Variants in PCGF5 observed in about 807,000 individuals in gnomAD.
The protein encoded by PCGF5 is polycomb group ring finger 5.
A neutral mutation model predicts 44.3 loss-of-function variants in PCGF5; 9 were observed. The ratio of observed to expected loss-of-function variants is 0.20; its 90% CI spans 0.12 to 0.35. The LOEUF is 0.35. PCGF5 is among the 10% of genes least tolerant of loss of function. The pLI, the probability that PCGF5 is intolerant of heterozygous loss-of-function variation, is 1.00. For missense variants in PCGF5, 146 were observed against 305.3 expected (o/e 0.48, Z 3.89); for synonymous variants, 95 against 102.5 (o/e 0.93, Z 0.44).
chr10:91,271,241 G>GTAT, intron 8 of PCGF5, among the ~76,000 whole-genome samples: 1 of 152,136 alleles, frequency 6.6e-6, no homozygotes, highest in Middle Eastern at 3.4e-3. Flanking sequence ...TCCTTGAACA[G>GTAT]TATTACTTTC....
At chr10:91,245,860 G>A (rs1845447844) in intron 3 of PCGF5, among the ~76,000 whole-genome samples, 1 of 152,146 alleles carries the variant, frequency 6.6e-6, no homozygotes, top group African/African-American at 2.4e-5. Context: ...AAAAAAGCGT[G>A]TTGTCCAGGG....
chr10:91,274,075 CT>C (rs1168861372), intron 9 of PCGF5, among the ~76,000 whole-genome samples: 3 of 151,866 alleles, frequency 2.0e-5, no homozygotes, highest in Non-Finnish European at 4.4e-5. Flanking sequence ...TCCTCTTCCC[CT>C]CTCTTTCTCT....
chr10:91,162,654 C>G (rs2133147487), upstream of PCGF5, among the ~76,000 whole-genome samples: 1 of 151,696 alleles, frequency 6.6e-6, no homozygotes, highest in East Asian at 2.0e-4. Flanking sequence ...GCGGCTCGTC[C>G]CCTCCAGGCC....
intron 1 of PCGF5, among the ~76,000 whole-genome samples, chr10:91,165,559 G>A (rs947964727): frequency 5.3e-5 from 8 of 152,144 alleles, no homozygotes; most frequent in African/African-American, 1.2e-4. Context: ...GTGCAGTGGC[G>A]CAATCATAGC....
chr10:91,201,518 T>C (rs1448442097), intron 1 of PCGF5, among the ~76,000 whole-genome samples: 1 of 152,072 alleles, frequency 6.6e-6, no homozygotes, highest in Non-Finnish European at 1.5e-5. Flanking sequence ...GGAAGCCCAA[T>C]GTGTAAAAAA....
At chr10:91,271,081 G>A (rs1846169390) in intron 8 of PCGF5, among the ~76,000 whole-genome samples, 6 of 141,970 alleles carry the variant, frequency 4.2e-5, no homozygotes, top group Admixed American at 4.1e-4. Context: ...CCACAAATGT[G>A]ACTAAAATAT....
At chr10:91,189,229 C>G (rs139879231) in intron 1 of PCGF5, among the ~76,000 whole-genome samples, 1 of 152,272 alleles carries the variant, frequency 6.6e-6, no homozygotes, top group East Asian at 1.9e-4. Context: ...TAATTTTCTC[C>G]TTTTTCCAGA....
At chr10:91,193,236 G>C (rs1182302032) in intron 1 of PCGF5, among the ~76,000 whole-genome samples, 1 of 152,196 alleles carries the variant, frequency 6.6e-6, no homozygotes, top group Non-Finnish European at 1.5e-5. Context: ...CTTGGAAGGA[G>C]ATCCATCCCT....
At chr10:91,248,059 T>C (rs1845514199) in intron 3 of PCGF5, among the ~76,000 whole-genome samples, 1 of 152,116 alleles carries the variant, frequency 6.6e-6, no homozygotes, top group African/African-American at 2.4e-5. Flanking sequence ...CTACGTGGTC[T>C]CTCATCCTCC....
chr10:91,235,682 G>A (rs749697416), intron 2 of PCGF5, among the ~76,000 whole-genome samples: 7 of 152,060 alleles, frequency 4.6e-5, no homozygotes, highest in South Asian at 2.1e-4. Context: ...TCATGGGGGC[G>A]GGTCTTTCTC....
At chr10:91,235,692 C>T (rs1845141577) in intron 2 of PCGF5, among the ~76,000 whole-genome samples, 1 of 152,162 alleles carries the variant, frequency 6.6e-6, no homozygotes, top group Admixed American at 6.5e-5. Context: ...GGGTCTTTCT[C>T]ACGCTGTTTT....
At chr10:91,189,255 C>T (rs1843986411) in intron 1 of PCGF5, among the ~76,000 whole-genome samples, 1 of 152,198 alleles carries the variant, frequency 6.6e-6, no homozygotes, top group South Asian at 2.1e-4. Flanking sequence ...TCTCTTGACC[C>T]TCATGATTCT....
intron 1 of PCGF5, among the ~76,000 whole-genome samples, chr10:91,181,406 G>A (rs1843816986): frequency 6.6e-6 from 1 of 151,866 alleles, no homozygotes; most frequent in African/African-American, 2.4e-5. Flanking sequence ...AATAGGAGTA[G>A]CCAGACAGGG....
At chr10:91,275,451 T>A (rs71485920) in intron 9 of PCGF5, among the ~76,000 whole-genome samples, 19,765 of 151,436 alleles carry the variant, frequency 0.13, 2,422 homozygotes, top group African/African-American at 0.32. Context: ...TTTTATTTTT[T>A]TTTTTTTTGA....
intron 1 of PCGF5, among the ~76,000 whole-genome samples, chr10:91,195,458 A>G (rs1393922428): frequency 1.7e-5 from 2 of 120,908 alleles, no homozygotes; most frequent in African/African-American, 7.5e-5. Context: ...ATATGCATAT[A>G]TATATATGCA....
chr10:91,254,484 A>G (rs931028831), intron 6 of PCGF5, among the ~76,000 whole-genome samples: 10 of 151,956 alleles, frequency 6.6e-5, no homozygotes, highest in Non-Finnish European at 1.3e-4. Context: ...TTTGTTATCT[A>G]TTAAGGATGT....
Position 91,260,395 on chromosome 10 carries a change from G to A in PCGF5, c.475-931G>A, listed in dbSNP as rs1214783797. 3.9e-5 allele frequency among the ~76,000 whole-genome samples: 6 copies of A among 152,156 alleles called. No individual in the cohort carries two copies. In the East Asian group the frequency reaches 5.8e-4, roughly 15 times the overall value. ...AACTAGTTCAACCATTGTGGAAGTCGATGTGGCGATTCTTCAGGGATCTAG... is the reference window on the plus strand; with the variant it reads ...AACTAGTTCAACCATTGTGGAAGTCAATGTGGCGATTCTTCAGGGATCTAG... On this transcript the variant is annotated intron_variant, in intron 6 of 9. Transcript: ENST00000336126.
At chr10:91,259,484 G>A (rs1047970997) in intron 6 of PCGF5, among the ~76,000 whole-genome samples, 3 of 152,048 alleles carry the variant, frequency 2.0e-5, no homozygotes, top group African/African-American at 7.2e-5. Context: ...AAGTTCATAT[G>A]GAACCAAAAA....
At chr10:91,234,386 A>G (rs969781627) in intron 2 of PCGF5, among the ~76,000 whole-genome samples, 1 of 152,176 alleles carries the variant, frequency 6.6e-6, no homozygotes, top group Non-Finnish European at 1.5e-5. Context: ...CACACACCTC[A>G]CCCTACCCCA....
Sources: gnomAD v4.1 joint callset for allele counts (sites outside exome capture counted in the v4.1 genomes callset) on GRCh38, gnomAD v4.1.1 for gene constraint, MANE v1.5 for transcripts, NCBI Gene and HGNC (gene_info 2026-07-23, HGNC 2026-07-21) for gene names.